The following ESRRG variants were observed in gnomAD, a reference collection of about 807,000 sequenced individuals.
ESRRG encodes estrogen related receptor gamma.
ESRRG carries 13 observed loss-of-function variants against 44.0 expected under a neutral mutation model. The observed-to-expected ratio is 0.30, with a 90% CI of 0.19 to 0.47. The LOEUF (loss-of-function observed/expected upper bound fraction) is 0.47. Among genes scored for constraint, ESRRG ranks in the 20% least tolerant of loss-of-function variants. ESRRG has a pLI of 1.00. For synonymous variants in ESRRG, 215 were observed against 214.6 expected (o/e 1.00, Z -0.02); for missense variants, 395 against 580.6 (o/e 0.68, Z 3.29).
intron 5 of ESRRG, among the ~76,000 whole-genome samples, chr1:216,546,701 T>C (rs775457575): frequency 3.3e-5 from 5 of 151,730 alleles, no homozygotes; most frequent in Admixed American, 6.6e-5. Flanking sequence ...AAAAATCAGG[T>C]TGAAAGTTAA....
intron 3 of ESRRG, among the ~76,000 whole-genome samples, chr1:216,589,922 A>G (rs2057364973): frequency 6.7e-6 from 1 of 150,354 alleles, no homozygotes; most frequent in Admixed American, 6.6e-5. Context: ...AAAAAAAAAA[A>G]AAAAGAGGTG....
intron 2 of ESRRG, among the ~76,000 whole-genome samples, chr1:216,796,749 C>A (rs188261243): frequency 8.0e-4 from 121 of 152,180 alleles, no homozygotes; most frequent in Non-Finnish European, 1.4e-3. Context: ...ACCACCAGCC[C>A]TCTCCACACT....
intron 3 of ESRRG, among the ~76,000 whole-genome samples, chr1:216,625,889 A>G (rs1438589464): frequency 1.3e-5 from 2 of 151,880 alleles, no homozygotes; most frequent in South Asian, 2.1e-4. Context: ...CTGTGTTCCT[A>G]TATCTCTCCC....
intron 1 of ESRRG, among the ~76,000 whole-genome samples, chr1:216,977,593 C>T (rs927415831): frequency 3.3e-5 from 5 of 152,024 alleles, no homozygotes; most frequent in East Asian, 3.9e-4. Context: ...TGGCAGGTGC[C>T]GGGGCCTCCA....
chr1:216,551,331 C>A (rs1397482885), intron 5 of ESRRG, among the ~76,000 whole-genome samples: 1 of 152,002 alleles, frequency 6.6e-6, no homozygotes, highest in Non-Finnish European at 1.5e-5. Flanking sequence ...TGTTGAGGAA[C>A]TGAATATTAC....
chr1:216,550,454 C>T (rs761261445), intron 5 of ESRRG, among the ~76,000 whole-genome samples: 10 of 152,064 alleles, frequency 6.6e-5, no homozygotes, highest in Non-Finnish European at 1.5e-4. Flanking sequence ...AGCAATAATG[C>T]CTTGTTTTTC....
intron 1 of ESRRG, among the ~76,000 whole-genome samples, chr1:216,688,607 T>G (rs939918993): frequency 2.0e-5 from 3 of 152,150 alleles, no homozygotes; most frequent in African/African-American, 7.2e-5. Flanking sequence ...TGGTGACTTA[T>G]GTGAAGCAGG....
chr1:216,593,291 G>GA (rs1336497582), intron 3 of ESRRG, among the ~76,000 whole-genome samples: 3 of 152,030 alleles, frequency 2.0e-5, no homozygotes, highest in South Asian at 2.1e-4. Flanking sequence ...AAAGAAGAGG[G>GA]AAAAAAATAA....
At chr1:216,593,888 G>A (rs987555634) in intron 3 of ESRRG, among the ~76,000 whole-genome samples, 2 of 152,034 alleles carry the variant, frequency 1.3e-5, no homozygotes, top group African/African-American at 4.8e-5. Context: ...ACAGCAACAT[G>A]CCCAGCTAAA....
intron 1 of ESRRG, among the ~76,000 whole-genome samples, chr1:216,981,489 G>A (rs555647325): frequency 1.4e-4 from 22 of 152,190 alleles, no homozygotes; most frequent in Non-Finnish European, 2.4e-4. Flanking sequence ...GAAGCAATTC[G>A]TGTAAATAAC....
intron 2 of ESRRG, among the ~76,000 whole-genome samples, chr1:216,823,109 C>T (rs2095330073): frequency 6.6e-6 from 1 of 151,750 alleles, no homozygotes; most frequent in Non-Finnish European, 1.5e-5. Context: ...TGATGAGAAC[C>T]TTCGACTAAC....
At chr1:216,661,262 T>C (rs569545172) in intron 2 of ESRRG, among the ~76,000 whole-genome samples, 1 of 152,276 alleles carries the variant, frequency 6.6e-6, no homozygotes, top group South Asian at 2.1e-4. Context: ...TAAAAGAGCT[T>C]AAAGGTGACC....
At chr1:216,820,982 A>C (rs535871367) in intron 2 of ESRRG, among the ~76,000 whole-genome samples, 2 of 152,284 alleles carry the variant, frequency 1.3e-5, no homozygotes, top group Non-Finnish European at 2.9e-5. Context: ...GGACTTTTTG[A>C]AAATATTTCT....
At chr1:216,622,737 TGAA>T (rs2150505729) in intron 3 of ESRRG, among the ~76,000 whole-genome samples, 1 of 152,274 alleles carries the variant, frequency 6.6e-6, no homozygotes, top group South Asian at 2.1e-4. Context: ...AGAATTTTCC[TGAA>T]GAAGAAATTT....
At chr1:216,749,903 A>C (rs983538216) in intron 2 of ESRRG, among the ~76,000 whole-genome samples, 3 of 152,212 alleles carry the variant, frequency 2.0e-5, no homozygotes, top group African/African-American at 7.2e-5. Context: ...CTTTATCCCC[A>C]TCTATCACTA....
At chr1:216,806,534 G>T (rs2094798550) in intron 2 of ESRRG, among the ~76,000 whole-genome samples, 1 of 152,104 alleles carries the variant, frequency 6.6e-6, no homozygotes, top group Non-Finnish European at 1.5e-5. Flanking sequence ...TCAACGTGAG[G>T]CATGACGATG....
In ESRRG at chr1:216,749,399, A is replaced by G. The variant is rs968283282; in HGVS notation, c.-13-71908T>C. 5.3e-5 allele frequency among the ~76,000 whole-genome samples: 8 copies of G among 152,112 alleles called. No individual in the cohort carries two copies. The East Asian group carries it at 1.2e-3, about 22-fold the overall frequency. ...ACTTCCTGGATCTCTGACTGAATACAAAGTGATTAGAGAGCCCAGTGTTTG... is the reference window on the plus strand; with the variant it reads ...ACTTCCTGGATCTCTGACTGAATACGAAGTGATTAGAGAGCCCAGTGTTTG... On this transcript the variant is annotated intron_variant, in intron 2 of 7. Transcript: ENST00000359162.
intron 1 of ESRRG, among the ~76,000 whole-genome samples, chr1:216,979,421 G>A (rs1241701833): frequency 6.6e-6 from 1 of 152,120 alleles, no homozygotes; most frequent in Non-Finnish European, 1.5e-5. Flanking sequence ...CCATTTGCCA[G>A]TCACTGTCTT....
At chr1:216,919,184 T>C (rs1331676269) in intron 2 of ESRRG, among the ~76,000 whole-genome samples, 1 of 152,128 alleles carries the variant, frequency 6.6e-6, no homozygotes, top group Non-Finnish European at 1.5e-5. Flanking sequence ...ACTTTGAAAC[T>C]CACAAACGGG....
Sources: allele counts gnomAD v4.1 joint callset (sites outside exome capture counted in the v4.1 genomes callset), GRCh38; gene constraint gnomAD v4.1.1; transcripts MANE v1.5; gene names NCBI Gene and HGNC (gene_info 2026-07-23, HGNC 2026-07-21).